MSL3B: variants seen among roughly 807,000 people sequenced by gnomAD.
MSL3B encodes the protein MSL complex subunit 3 pseudogene 1.
the MSL3B span, chr2:233,867,979 C>CA: frequency 1.2e-5 from 2 of 169,488 alleles, no homozygotes; most frequent in South Asian, 1.1e-4. Flanking sequence ...TTAGTAGAGA[C>CA]AGAGTTTCGC....
At chr2:233,868,374 G>A in the MSL3B span, 1 of 158,780 alleles carries the variant, frequency 6.3e-6, no homozygotes, top group African/African-American at 2.4e-5. Flanking sequence ...CGCGTCCCGG[G>A]CGCACACGTA....
chr2:233,867,789 ATTTT>A, the MSL3B span, among the ~76,000 whole-genome samples: 1 of 72,806 alleles, frequency 1.4e-5, no homozygotes, highest in African/African-American at 4.5e-5. Context: ...CTAATCTACG[ATTTT>A]TTTTTTTTTT....
At chr2:233,866,768 G>A in the MSL3B span, 18 of 810,714 alleles carry the variant, frequency 2.2e-5, no homozygotes, top group Non-Finnish European at 3.8e-5. Context: ...TAAGCTGGGA[G>A]AGAGCTTCTC....
At chr2:233,867,506 G>T in the MSL3B span, 1 of 314,058 alleles carries the variant, frequency 3.2e-6, no homozygotes, top group East Asian at 9.6e-5. Context: ...CAAGAGTTTC[G>T]GTATTGTTGC....
At chr2:233,866,862 C>A in the MSL3B span, 1 of 1,345,220 alleles carries the variant, frequency 7.4e-7, no homozygotes, top group Non-Finnish European at 1.1e-6. Flanking sequence ...TGAGCTTGTT[C>A]ATAGGGATAG....
the MSL3B span, among the ~76,000 whole-genome samples, chr2:233,864,824 T>C: frequency 3.9e-5 from 6 of 152,208 alleles, no homozygotes; most frequent in African/African-American, 1.4e-4. Context: ...ACGTCTCAAT[T>C]TGGACTAGCA....
At chr2:233,867,759 T>A in the MSL3B span, among the ~76,000 whole-genome samples, 1 of 145,086 alleles carries the variant, frequency 6.9e-6, no homozygotes, top group Non-Finnish European at 1.5e-5. Context: ...ATTACAGGAG[T>A]GAGCCACCGC....
chr2:233,866,514 C>T, the MSL3B span: 1 of 1,207,464 alleles, frequency 8.3e-7, no homozygotes, highest in Non-Finnish European at 1.2e-6. Context: ...CTGCTATGCA[C>T]AGGTGTCTTC....
the MSL3B span, among the ~76,000 whole-genome samples, chr2:233,864,791 T>C: frequency 3.9e-5 from 6 of 152,352 alleles, no homozygotes; most frequent in Non-Finnish European, 7.3e-5. Context: ...CAAACTCCAG[T>C]GCTCTAACCT....
At chr2:233,867,328 A>AT in the MSL3B span, 2 of 670,680 alleles carry the variant, frequency 3.0e-6, no homozygotes, top group Admixed American at 2.5e-5. Context: ...CATCATTTTC[A>AT]TTTTTTTCTT....
the MSL3B span, chr2:233,866,593 T>A: frequency 1.2e-6 from 1 of 826,904 alleles, no homozygotes; most frequent in Non-Finnish European, 2.2e-6. Context: ...TGGGCTGAGG[T>A]GAGGTGCTGC....
chr2:233,865,520 A>C, the MSL3B span: 1 of 152,380 alleles, frequency 6.6e-6, no homozygotes, highest in Non-Finnish European at 1.5e-5. Context: ...TACACAAAAA[A>C]GTATAGCTGT....
chr2:233,866,521 C>T, the MSL3B span: 11 of 1,197,112 alleles, frequency 9.2e-6, no homozygotes, highest in Non-Finnish European at 1.4e-5. Flanking sequence ...GCACAGGTGT[C>T]TTCTTTTCCA....
At chr2:233,865,166 A>G in the MSL3B span, among the ~76,000 whole-genome samples, 1 of 152,170 alleles carries the variant, frequency 6.6e-6, no homozygotes, top group Non-Finnish European at 1.5e-5. Flanking sequence ...TTCTGACTCT[A>G]AAGACTAAAT....
At chr2:233,868,198 T>C in the MSL3B span, 6 of 452,786 alleles carry the variant, frequency 1.3e-5, no homozygotes, top group Admixed American at 2.2e-5. Flanking sequence ...TCTTTCTGCC[T>C]TTTTCGCCTT....
At chr2:233,865,153 A>C in the MSL3B span, among the ~76,000 whole-genome samples, 1 of 152,168 alleles carries the variant, frequency 6.6e-6, no homozygotes, top group Non-Finnish European at 1.5e-5. Flanking sequence ...GCACCTAAGG[A>C]ATTTCTGACT....
chr2:233,867,010 CCT>C, the MSL3B span: 1 of 1,283,494 alleles, frequency 7.8e-7, no homozygotes, highest in Non-Finnish European at 1.1e-6. Context: ...GGTGACGAGG[CCT>C]CTCATTGGCT....
At chr2:233,866,117 C>T in the MSL3B span, 6 of 569,294 alleles carry the variant, frequency 1.1e-5, no homozygotes, top group Non-Finnish European at 1.7e-5. Context: ...GTTGTTCTTA[C>T]AGAACCATCA....
chr2:233,867,228 T>G, the MSL3B span: 4 of 767,324 alleles, frequency 5.2e-6, no homozygotes, highest in Non-Finnish European at 9.7e-6. Flanking sequence ...GGTTCTTCTT[T>G]CACTTCAGTC....
Sources: allele counts gnomAD v4.1 joint callset (sites outside exome capture counted in the v4.1 genomes callset), GRCh38; gene constraint gnomAD v4.1.1; transcripts MANE v1.5; gene names NCBI Gene and HGNC (gene_info 2026-07-23, HGNC 2026-07-21).